The following PRUNE2 variants were observed in gnomAD, a reference collection of about 807,000 sequenced individuals.
The protein encoded by PRUNE2 is protein prune homolog 2.
Under a neutral mutation model 252.0 loss-of-function variants are expected in PRUNE2, and 164 were observed. The ratio of observed to expected loss-of-function variants is 0.65; its 90% CI spans 0.57 to 0.74. PRUNE2 has a LOEUF of 0.74. PRUNE2 is among the 30% of genes least tolerant of loss of function. PRUNE2 has a pLI of 0.00. For synonymous variants in PRUNE2, 1,292 were observed against 1,350.2 expected, an observed-to-expected ratio of 0.96 and a Z score of 0.94; for missense variants, 3,495 against 3,711.0, an observed-to-expected ratio of 0.94 and a Z score of 1.51.
At chr9:76,669,273 A>G (rs1169112575) in intron 9 of PRUNE2, among the ~76,000 whole-genome samples, 5 of 151,920 alleles carry the variant, frequency 3.3e-5, no homozygotes, top group African/African-American at 1.2e-4. Context: ...CACACACAGT[A>G]CAAGGTCACA....
chr9:76,649,319 C>T (rs1846208812), intron 11 of PRUNE2, among the ~76,000 whole-genome samples: 1 of 149,638 alleles, frequency 6.7e-6, no homozygotes, highest in South Asian at 2.2e-4. Flanking sequence ...TCTATATATT[C>T]TGCATGTTCT....
In PRUNE2 at chr9:76,638,220, C is replaced by T; in HGVS notation, c.8797G>A (p.Ala2933Thr). The stretch of plus-strand genomic sequence containing the variant: ...TTTTCCATGACATAGTGGTAATCCG[C>T]CCGACTGCTGTCTGGCAGAAAACAG... ...AACFLPDSSR[A>T]DYHYVMENLF... is the part of the protein sequence containing the mutation. The change falls in exon 13 of 19, where the codon GCG (alanine) becomes ACG (threonine). Residue 2933 changes from alanine to threonine, a missense_variant. Physicochemically the swap from Ala to Thr is moderately conservative, Grantham distance 58. Transcript: ENST00000376718. 4 of 1,613,782 alleles carry T rather than the reference C, an allele frequency of 2.5e-6. No individual in the cohort carries two copies. Among genetic ancestry groups the T allele is most frequent in the Non-Finnish European group, 3.4e-6 (4 of 1,179,758 alleles).
intron 6 of PRUNE2, among the ~76,000 whole-genome samples, chr9:76,776,436 G>A (rs777037507): frequency 7.3e-5 from 11 of 149,814 alleles, no homozygotes; most frequent in Non-Finnish European, 1.6e-4. Context: ...ATGATCTCCA[G>A]TTCCATCCAT....
At chr9:76,741,239 T>C (rs1185887764) in intron 6 of PRUNE2, among the ~76,000 whole-genome samples, 2 of 152,230 alleles carry the variant, frequency 1.3e-5, no homozygotes, top group Non-Finnish European at 2.9e-5. Flanking sequence ...CAACTGTTTT[T>C]CTTTATGTGA....
chr9:76,627,187 G>A (rs537420525), intron 16 of PRUNE2, among the ~76,000 whole-genome samples: 20 of 150,136 alleles, frequency 1.3e-4, no homozygotes, highest in Non-Finnish European at 2.4e-4. Context: ...TGCAATTTCC[G>A]CCTCCCAGGC....
At chr9:76,758,979 T>C (rs1166531904) in intron 6 of PRUNE2, 1 of 152,072 alleles carries the variant, frequency 6.6e-6, no homozygotes, top group Admixed American at 6.6e-5. Flanking sequence ...AGGTGGCAAA[T>C]AGGGACAAGA....
chr9:76,680,479 T>C (rs895441177), intron 9 of PRUNE2, among the ~76,000 whole-genome samples: 17 of 152,206 alleles, frequency 1.1e-4, no homozygotes, highest in African/African-American at 3.9e-4. Flanking sequence ...AAAAACAGGA[T>C]GGTGGATCCT....
intron 9 of PRUNE2, among the ~76,000 whole-genome samples, chr9:76,663,212 A>G (rs775021864): frequency 8.5e-5 from 13 of 152,252 alleles, no homozygotes; most frequent in Non-Finnish European, 5.9e-5. Context: ...GCTGGGGTCA[A>G]GCCCATGAAA....
At chr9:76,769,375 G>A (rs574651024) in intron 6 of PRUNE2, among the ~76,000 whole-genome samples, 28 of 152,320 alleles carry the variant, frequency 1.8e-4, no homozygotes, top group Non-Finnish European at 3.2e-4. Flanking sequence ...TATCATAATT[G>A]ATTCAATCCT....
intron 6 of PRUNE2, among the ~76,000 whole-genome samples, chr9:76,807,845 G>A (rs1417539931): frequency 1.3e-5 from 2 of 152,174 alleles, no homozygotes; most frequent in African/African-American, 2.4e-5. Flanking sequence ...TAAAACAATC[G>A]AGCACATACT....
intron 6 of PRUNE2, among the ~76,000 whole-genome samples, chr9:76,802,151 T>C (rs151085712): frequency 1.3e-5 from 2 of 152,290 alleles, no homozygotes; most frequent in East Asian, 3.9e-4. Flanking sequence ...TATAAATATA[T>C]ACATACTGCA....
At position 76,906,083 on chromosome 9, in the gene PRUNE2, C is replaced by T; in HGVS notation, c.-120G>A. Reference sequence around the variant, plus strand: ...GCCGGGGCGCAGCGACCGACTGCTCCCTCCTGCCGCTCTGAGGCGGCTGCG... The same window carrying T: ...GCCGGGGCGCAGCGACCGACTGCTCTCTCCTGCCGCTCTGAGGCGGCTGCG... On this transcript the variant is annotated 5_prime_UTR_variant, in exon 1 of 19. Transcript: ENST00000376718. The T allele has an allele frequency of 2.8e-6, 3 of 1,074,260 alleles. No individual in the cohort carries two copies. Among genetic ancestry groups the T allele is most frequent in the Non-Finnish European group, 4.3e-6 (3 of 700,776 alleles). 66.5% of individuals were successfully genotyped at this position (1,074,260 alleles called of 1,614,324 possible).
intron 18 of PRUNE2, among the ~76,000 whole-genome samples, chr9:76,616,663 TGTTTACCCA>T (rs1829850243): frequency 6.6e-6 from 1 of 152,212 alleles, no homozygotes; most frequent in African/African-American, 2.4e-5. Context: ...GACTGGAACC[TGTTTACCCA>T]GTTTATGAAA....
At position 76,706,918 on chromosome 9, in the gene PRUNE2, TCTC is replaced by T; in HGVS notation, c.5353_5355del (p.Glu1785del). On this transcript the variant is annotated inframe_deletion, in exon 8 of 19. Coordinates refer to ENST00000376718, the MANE Select transcript of PRUNE2 (RefSeq NM_015225.3). ...GTCCCTGTTTCTGGAGAAGATCTCT[TCTC>T]CTTCTCCACTGCTGTAATCTGCATT... is the stretch of plus-strand genomic sequence containing the variant. The T allele has an allele frequency of 1.2e-6, 2 of 1,605,552 alleles. No individual in the cohort carries two copies. Among genetic ancestry groups the T allele is most frequent in the South Asian group, 1.1e-5 (1 of 89,706 alleles).
intron 18 of PRUNE2, among the ~76,000 whole-genome samples, chr9:76,618,423 C>G (rs1421602651): frequency 6.6e-6 from 1 of 152,192 alleles, no homozygotes; most frequent in African/African-American, 2.4e-5. Context: ...TTGCTAGGAA[C>G]AAGGGCAATG....
intron 1 of PRUNE2, among the ~76,000 whole-genome samples, chr9:76,866,682 GA>G (rs1307890656): frequency 2.6e-5 from 4 of 151,588 alleles, no homozygotes; most frequent in Non-Finnish European, 5.9e-5. Flanking sequence ...TACAAAAAAG[GA>G]AGGAAGGAAG....
intron 16 of PRUNE2, among the ~76,000 whole-genome samples, chr9:76,628,272 T>A (rs906378696): frequency 1.3e-5 from 2 of 152,222 alleles, no homozygotes; most frequent in African/African-American, 4.8e-5. Flanking sequence ...TTAAATTTTA[T>A]CCTAGTTTTT....
intron 9 of PRUNE2, among the ~76,000 whole-genome samples, chr9:76,677,217 T>C (rs753191525): frequency 6.6e-5 from 10 of 152,268 alleles, no homozygotes; most frequent in Non-Finnish European, 1.2e-4. Flanking sequence ...TCTTTTACTG[T>C]TGCTTTGTCT....
intron 1 of PRUNE2, among the ~76,000 whole-genome samples, chr9:76,881,811 C>T (rs1215468144): frequency 6.6e-6 from 1 of 151,832 alleles, no homozygotes; most frequent in Non-Finnish European, 1.5e-5. Flanking sequence ...TTAGTAGAGA[C>T]GAGGTTTCAC....
Sources: gnomAD v4.1 joint callset for allele counts (sites outside exome capture counted in the v4.1 genomes callset) on GRCh38, gnomAD v4.1.1 for gene constraint, MANE v1.5 for transcripts, NCBI Gene and HGNC (gene_info 2026-07-23, HGNC 2026-07-21) for gene names.